SNX29: variants seen among roughly 807,000 people sequenced by gnomAD.
SNX29 encodes sorting nexin-29.
In SNX29, 78 loss-of-function variants were observed where a neutral mutation model predicts 102.1. That is an observed-to-expected ratio of 0.76 (90% CI 0.64 to 0.92). The LOEUF (loss-of-function observed/expected upper bound fraction) is 0.92. Ranked by LOEUF, SNX29 falls within the 40% of genes least tolerant of loss-of-function variation. The pLI is 0.00. For missense variants in SNX29, 1,280 were observed against 1,061.7 expected, an observed-to-expected ratio of 1.21 and a Z score of -2.86; for synonymous variants, 580 against 414.5, an observed-to-expected ratio of 1.40 and a Z score of -4.85.
At chr16:12,440,409 G>A (rs2085747463) in intron 18 of SNX29, among the ~76,000 whole-genome samples, 1 of 152,044 alleles carries the variant, frequency 6.6e-6, no homozygotes, top group Admixed American at 6.6e-5. Context: ...TCCCCTCCTA[G>A]CCCTTGGAAG....
rs192060893 is a variant in SNX29 at position 12,570,550 on chromosome 16, C to G, written c.*1921C>G. 4.3e-6 allele frequency: 1 copy of G among 232,240 alleles called. No individual in the cohort carries two copies. The highest frequency in any genetic ancestry group is 2.2e-5 in the African/African-American group (1 of 45,302). 14.4% of individuals were successfully genotyped at this position (232,240 alleles called of 1,614,324 possible). On this transcript the variant is annotated 3_prime_UTR_variant, in exon 21 of 21. Coordinates refer to ENST00000566228, the MANE Select transcript of SNX29 (RefSeq NM_032167.5). ...TTTTGAAGTAGGTGTTTGATGCCAG[C>G]TCAGAGACTGTCTCAGGAGTGCCTC...
intron 4 of SNX29, chr16:12,029,883 C>G (rs1370846972): frequency 3.1e-6 from 1 of 325,046 alleles, no homozygotes; most frequent in Non-Finnish European, 6.0e-6. Flanking sequence ...TGAGCCACCA[C>G]GCCTGGCTGG....
At chr16:12,156,721 T>C (rs1387616456) in intron 13 of SNX29, among the ~76,000 whole-genome samples, 1 of 152,272 alleles carries the variant, frequency 6.6e-6, no homozygotes, top group African/African-American at 2.4e-5. Context: ...AGCAAATGGC[T>C]GTCCAGCCGA....
chr16:12,127,264 A>AT (rs1375086132), intron 12 of SNX29, among the ~76,000 whole-genome samples: 1 of 151,792 alleles, frequency 6.6e-6, no homozygotes, highest in Non-Finnish European at 1.5e-5. Flanking sequence ...GTCTCAAAAA[A>AT]AAAAAATAAA....
At chr16:12,531,832 C>T (rs1794305) in intron 20 of SNX29, among the ~76,000 whole-genome samples, 10,437 of 152,218 alleles carry the variant, frequency 0.069, 483 homozygotes, top group African/African-American at 0.13. Context: ...CTAGGATGGC[C>T]GCCTGTGAGC....
intron 18 of SNX29, among the ~76,000 whole-genome samples, chr16:12,463,079 C>T (rs2086878684): frequency 6.6e-6 from 1 of 152,220 alleles, no homozygotes; most frequent in African/African-American, 2.4e-5. Context: ...GTGGCCCCTG[C>T]TGCTGCTGCC....
At chr16:12,046,357 G>C in intron 5 of SNX29, 27 bp from the exon 6 acceptor site, 1 of 1,611,886 alleles carries the variant, frequency 6.2e-7, no homozygotes. Context: ...TGCTAAGAAC[G>C]ATTTCCTTTT....
intron 15 of SNX29, among the ~76,000 whole-genome samples, chr16:12,321,889 G>A (rs1468448512): frequency 6.6e-6 from 1 of 152,184 alleles, no homozygotes; most frequent in African/African-American, 2.4e-5. Context: ...GCTGTGCCAG[G>A]GAGGTGGCCC....
chr16:12,351,248 C>A (rs73508036), intron 15 of SNX29, among the ~76,000 whole-genome samples: 4,455 of 152,230 alleles, frequency 0.029, 215 homozygotes, highest in African/African-American at 0.1. Flanking sequence ...TGGGGACTGT[C>A]TAGGTTCACT....
chr16:12,004,151 C>A (rs985955546), intron 3 of SNX29, among the ~76,000 whole-genome samples: 2 of 151,808 alleles, frequency 1.3e-5, no homozygotes, highest in African/African-American at 4.8e-5. Context: ...TCCAGCCTGG[C>A]CAAGATGGTG....
At chr16:12,185,143 G>A (rs1176578476) in intron 13 of SNX29, among the ~76,000 whole-genome samples, 1 of 152,200 alleles carries the variant, frequency 6.6e-6, no homozygotes, top group Non-Finnish European at 1.5e-5. Context: ...GAATTTGTAG[G>A]ATTCCCAGAG....
intron 14 of SNX29, among the ~76,000 whole-genome samples, chr16:12,241,269 T>C (rs563604399): frequency 1.3e-5 from 2 of 152,118 alleles, no homozygotes; most frequent in Non-Finnish European, 2.9e-5. Flanking sequence ...TTCATTGTTG[T>C]GAACAAAAAA....
chr16:12,570,151 A>C lies in SNX29; in HGVS notation c.*1522A>C. ...TTTAAGGAAGGCTGAGATCACTCAC[A>C]CACAGCGCCCCCCCACCCCAGAGAA... On this transcript the variant is annotated 3_prime_UTR_variant, in exon 21 of 21. Coordinates refer to ENST00000566228, the MANE Select transcript of SNX29 (RefSeq NM_032167.5). The C allele has an allele frequency of 9.4e-7, 1 of 1,064,420 alleles. No homozygotes were observed. Among genetic ancestry groups the C allele is most frequent in the South Asian group, 4.5e-5 (1 of 21,994 alleles). 65.9% of individuals were successfully genotyped at this position (1,064,420 alleles called of 1,614,324 possible).
chr16:12,183,200 T>A (rs2076431668), intron 13 of SNX29, among the ~76,000 whole-genome samples: 2 of 152,140 alleles, frequency 1.3e-5, no homozygotes, highest in Admixed American at 1.3e-4. Context: ...GGAGTCTCCC[T>A]ATGTTGCTCA....
intron 18 of SNX29, among the ~76,000 whole-genome samples, chr16:12,417,508 C>T (rs1317658957): frequency 1.3e-5 from 2 of 152,142 alleles, no homozygotes; most frequent in African/African-American, 2.4e-5. Context: ...TCTCTTTGCT[C>T]CCCGCTTTGC....
At chr16:12,546,274 C>CG (rs1219871720) in intron 20 of SNX29, 1 of 152,212 alleles carries the variant, frequency 6.6e-6, no homozygotes. Flanking sequence ...TGTATTAGTC[C>CG]GTTTTCACAG....
chr16:12,215,850 C>G (rs571340950), intron 14 of SNX29, among the ~76,000 whole-genome samples: 2 of 152,344 alleles, frequency 1.3e-5, no homozygotes, highest in African/African-American at 4.8e-5. Context: ...CCTTTAATTA[C>G]TGCTGCCCTC....
At chr16:12,167,103 G>A (rs964317876) in intron 13 of SNX29, among the ~76,000 whole-genome samples, 6 of 152,214 alleles carry the variant, frequency 3.9e-5, no homozygotes, top group African/African-American at 1.4e-4. Flanking sequence ...CTATGATGAA[G>A]TCTTGGCTTT....
intron 15 of SNX29, among the ~76,000 whole-genome samples, chr16:12,284,650 T>C (rs1190868563): frequency 6.6e-6 from 1 of 152,154 alleles, no homozygotes; most frequent in East Asian, 1.9e-4. Flanking sequence ...AATAGACTAA[T>C]AGCAATGAGT....
Sources: gnomAD v4.1 joint callset for allele counts (sites outside exome capture counted in the v4.1 genomes callset) on GRCh38, gnomAD v4.1.1 for gene constraint, MANE v1.5 for transcripts, NCBI Gene and HGNC (gene_info 2026-07-23, HGNC 2026-07-21) for gene names.